Variants in FGGY observed in about 807,000 individuals in gnomAD.
FGGY encodes FGGY carbohydrate kinase domain containing, also known as FGGY carbohydrate kinase domain-containing protein.
FGGY carries 72 observed loss-of-function variants against 71.3 expected under a neutral mutation model. That is an observed-to-expected ratio of 1.01 (90% CI 0.84 to 1.23). The LOEUF is 1.23. Ranked by LOEUF, FGGY falls within the 50% of genes most tolerant of loss-of-function variation. The pLI is 0.00. For synonymous variants in FGGY, 251 were observed against 250.3 expected (o/e 1.00, Z -0.02); for missense variants, 668 against 682.3 (o/e 0.98, Z 0.23).
intron 6 of FGGY, among the ~76,000 whole-genome samples, chr1:59,472,887 G>C (rs1247121428): frequency 6.6e-6 from 1 of 152,140 alleles, no homozygotes; most frequent in African/African-American, 2.4e-5. Flanking sequence ...CTCAGGGTTT[G>C]TGAATGCACC....
chr1:59,588,187 G>C (rs999736766), intron 8 of FGGY, among the ~76,000 whole-genome samples: 1 of 152,132 alleles, frequency 6.6e-6, no homozygotes, highest in Non-Finnish European at 1.5e-5. Context: ...TGGAAGAAAG[G>C]GTATCAGGGA....
At chr1:59,581,226 T>C (rs2096188846) in intron 8 of FGGY, among the ~76,000 whole-genome samples, 1 of 150,030 alleles carries the variant, frequency 6.7e-6, no homozygotes, top group Admixed American at 6.6e-5. Context: ...AAATGCTTTT[T>C]CTCATTATTT....
At chr1:59,566,805 A>G (rs1283945209) in intron 8 of FGGY, among the ~76,000 whole-genome samples, 1 of 129,190 alleles carries the variant, frequency 7.7e-6, no homozygotes, top group Admixed American at 7.7e-5. Context: ...TTTACATACC[A>G]TGAAATTTAT....
At chr1:59,480,082 G>A (rs1425195001) in intron 6 of FGGY, among the ~76,000 whole-genome samples, 1 of 152,142 alleles carries the variant, frequency 6.6e-6, no homozygotes, top group Non-Finnish European at 1.5e-5. Context: ...TTATTCAACA[G>A]GCTTATAACA....
chr1:59,697,736 T>C (rs955051614), intron 14 of FGGY: 1 of 1,295,210 alleles, frequency 7.7e-7, no homozygotes, highest in Non-Finnish European at 1.0e-6. Flanking sequence ...TCCAGTCTTT[T>C]GCAAGTAGGT....
At chr1:59,326,364 G>A (rs2047432990) in intron 2 of FGGY, among the ~76,000 whole-genome samples, 1 of 152,140 alleles carries the variant, frequency 6.6e-6, no homozygotes, top group African/African-American at 2.4e-5. Context: ...TTGTGGGGAG[G>A]GGGACAGAAG....
chr1:59,477,980 A>G (rs1290851482), intron 6 of FGGY, among the ~76,000 whole-genome samples: 2 of 152,186 alleles, frequency 1.3e-5, no homozygotes, highest in African/African-American at 2.4e-5. Flanking sequence ...AATGGAAATA[A>G]CATGAGTTTT....
chr1:59,412,466 T>G (rs2063744825), intron 5 of FGGY, among the ~76,000 whole-genome samples: 1 of 152,100 alleles, frequency 6.6e-6, no homozygotes, highest in Non-Finnish European at 1.5e-5. Flanking sequence ...ATTATTTGTT[T>G]TATTCCCTTT....
At chr1:59,444,090 A>G (rs1039651505) in intron 5 of FGGY, among the ~76,000 whole-genome samples, 1 of 152,134 alleles carries the variant, frequency 6.6e-6, no homozygotes, top group African/African-American at 2.4e-5. Flanking sequence ...AGCAAACCCA[A>G]GGGCTGGGGG....
At chr1:59,616,022 T>G (rs2096749116) in intron 9 of FGGY, among the ~76,000 whole-genome samples, 4 of 152,000 alleles carry the variant, frequency 2.6e-5, no homozygotes, top group African/African-American at 9.7e-5. Context: ...ATAGGAACAC[T>G]TTTACACTGT....
At chr1:59,415,800 C>T (rs657746) in intron 5 of FGGY, among the ~76,000 whole-genome samples, 64,254 of 152,088 alleles carry the variant, frequency 0.42, 15,173 homozygotes, top group African/African-American at 0.63. Flanking sequence ...CAGCTTCTAC[C>T]ACACGGCTAC....
At chr1:59,470,863 A>T (rs1002240723) in intron 6 of FGGY, among the ~76,000 whole-genome samples, 2 of 152,244 alleles carry the variant, frequency 1.3e-5, no homozygotes, top group African/African-American at 4.8e-5. Flanking sequence ...GATTTGAATG[A>T]GCCATATAAT....
intron 6 of FGGY, among the ~76,000 whole-genome samples, chr1:59,464,218 A>G (rs2092456940): frequency 6.6e-6 from 1 of 152,242 alleles, no homozygotes; most frequent in African/African-American, 2.4e-5. Flanking sequence ...AACTCACTCA[A>G]AACTGCACAA....
chr1:59,299,329 G>C (rs2042412697), intron 1 of FGGY, among the ~76,000 whole-genome samples: 1 of 152,214 alleles, frequency 6.6e-6, no homozygotes, highest in African/African-American at 2.4e-5. Flanking sequence ...GGCCAGGTCA[G>C]GAAGGGTCTG....
chr1:59,575,023 G>A (rs918747100), intron 8 of FGGY, among the ~76,000 whole-genome samples: 2 of 151,766 alleles, frequency 1.3e-5, no homozygotes, highest in African/African-American at 4.8e-5. Flanking sequence ...ATATTTATGG[G>A]GTTCAATGTG....
At chr1:59,588,857 G>A (rs994223955) in intron 8 of FGGY, among the ~76,000 whole-genome samples, 45 of 152,294 alleles carry the variant, frequency 3.0e-4, no homozygotes, top group African/African-American at 9.6e-4. Flanking sequence ...AAAGACCATC[G>A]AGGCTAGGAG....
At chr1:59,489,008 T>C (rs1048345383) in intron 6 of FGGY, among the ~76,000 whole-genome samples, 2 of 152,140 alleles carry the variant, frequency 1.3e-5, no homozygotes, top group African/African-American at 2.4e-5. Context: ...TTTTTCCTTA[T>C]ATGTTATTCA....
chr1:59,338,775 A>G (rs2050097160), intron 2 of FGGY, among the ~76,000 whole-genome samples: 2 of 152,196 alleles, frequency 1.3e-5, no homozygotes, highest in African/African-American at 4.8e-5. Flanking sequence ...GCAGTGCTGA[A>G]GCTAACCTTC....
At chr1:59,337,310 A>G (rs1454250299) in intron 2 of FGGY, among the ~76,000 whole-genome samples, 3 of 152,084 alleles carry the variant, frequency 2.0e-5, no homozygotes, top group Non-Finnish European at 4.4e-5. Context: ...TCTGATGTCT[A>G]AGGGCAGGAG....
Sources: gnomAD v4.1 joint callset for allele counts (sites outside exome capture counted in the v4.1 genomes callset) on GRCh38, gnomAD v4.1.1 for gene constraint, MANE v1.5 for transcripts, NCBI Gene and HGNC (gene_info 2026-07-23, HGNC 2026-07-21) for gene names.